Variants in PRRG2 observed in about 807,000 individuals in gnomAD.
PRRG2 encodes the protein proline rich and Gla domain 2.
In PRRG2, 23 loss-of-function variants were observed where a neutral mutation model predicts 27.1. That is an observed-to-expected ratio of 0.85 (90% CI 0.61 to 1.20). The LOEUF is 1.20. PRRG2 is among the 50% of genes most tolerant of loss of function. The probability of loss-of-function intolerance (pLI) is 0.00; values close to 1 mark genes in which losing one functional copy is unlikely to be tolerated. For missense variants in PRRG2, 276 were observed against 254.8 expected (o/e 1.08, Z -0.57); for synonymous variants, 104 against 103.4 (o/e 1.01, Z -0.03).
chr19:49,582,181 C>G (rs531948748), intron 1 of PRRG2, among the ~76,000 whole-genome samples: 3 of 139,088 alleles, frequency 2.2e-5, no homozygotes, highest in African/African-American at 8.3e-5. Context: ...GCAGAGGTCA[C>G]AGTGAGCTGA....
At chr19:49,581,833 C>G (rs778360862) in intron 1 of PRRG2, among the ~76,000 whole-genome samples, 1 of 152,158 alleles carries the variant, frequency 6.6e-6, no homozygotes, top group African/African-American at 2.4e-5. Context: ...TCTTCTCTGG[C>G]GGACACTGCC....
intron 4 of PRRG2, among the ~76,000 whole-genome samples, chr19:49,586,254 A>T (rs1296824076): frequency 1.3e-5 from 2 of 151,228 alleles, no homozygotes; most frequent in East Asian, 3.9e-4. Context: ...GATACTTAAA[A>T]TTTTTTTTGT....
At chr19:49,588,717 G>A in intron 5 of PRRG2, 85 bp downstream of exon 5, 2 of 1,425,080 alleles carry the variant, frequency 1.4e-6, no homozygotes, top group Non-Finnish European at 1.8e-6. Context: ...GCTAAGGATT[G>A]GGGGCAGGCA....
chr19:49,588,732 C>G, intron 5 of PRRG2, 100 bp downstream of exon 5: 1 of 1,362,294 alleles, frequency 7.3e-7, no homozygotes, highest in South Asian at 1.6e-5. Flanking sequence ...CAGGCAGGCA[C>G]TGATGAAAGA....
At position 49,590,051 on chromosome 19, in the gene PRRG2, A is replaced by C. The variant is rs2080705616; in HGVS notation, c.589A>C (p.Ser197Arg). ...VHDAPPPPYT[S>R]LRRPH ...CGACGCACCTCCACCCCCCTACACC[A>C]GGTATGGGGCGTGGCTTCTGCCCGG... Residue 197 changes from serine (S) to arginine (R), a missense_variant and splice_region_variant, in exon 6 of 7, where the codon AGC becomes CGC. By Grantham distance (110) the Ser-to-Arg change is moderately radical. Transcript: ENST00000246794. The C allele has an allele frequency of 6.8e-7, 1 of 1,471,866 alleles. No homozygotes were observed. The highest frequency in any genetic ancestry group is 1.4e-5 in the African/African-American group (1 of 70,334). 91.2% of individuals were successfully genotyped at this position (1,471,866 alleles called of 1,614,324 possible).
chr19:49,590,222 G>T (rs1289978092), intron 6 of PRRG2, 149 bp from the exon 7 acceptor site: 10 of 1,434,698 alleles, frequency 7.0e-6, no homozygotes, highest in Non-Finnish European at 9.7e-6. Flanking sequence ...GCCCAGCGTT[G>T]TATGTGTGGA....
At chr19:49,584,968 G>A (rs2080658191) in intron 4 of PRRG2, among the ~76,000 whole-genome samples, 1 of 152,166 alleles carries the variant, frequency 6.6e-6, no homozygotes, top group Non-Finnish European at 1.5e-5. Flanking sequence ...ACCAAGGGAG[G>A]AAGCCTGCCC....
intron 1 of PRRG2, 63 bp downstream of exon 1, chr19:49,581,544 C>T (rs2122225222): frequency 6.6e-6 from 1 of 152,262 alleles, no homozygotes; most frequent in African/African-American, 2.4e-5. Context: ...GCTCCCCGCC[C>T]CTCCGAGACC....
chr19:49,586,196 C>G (rs940655171), intron 4 of PRRG2, among the ~76,000 whole-genome samples: 1 of 151,936 alleles, frequency 6.6e-6, no homozygotes, highest in African/African-American at 2.4e-5. Context: ...ATCCTCCCAC[C>G]TAAGCCTCCT....
In PRRG2 at chr19:49,589,963, AC is replaced by A; in HGVS notation, c.506del (p.Pro169HisfsTer74). On this transcript the variant is annotated frameshift_variant, in exon 6 of 7. Transcript: ENST00000246794. LOFTEE classifies it high-confidence loss of function. Reference sequence around the variant, plus strand: ...TGGGCCCACCGACGCCCCTGCCTCCACCCCCACCCCCACCCCCAGGCCTCCC... The same window carrying A: ...TGGGCCCACCGACGCCCCTGCCTCCACCCCACCCCCACCCCCAGGCCTCCC... ...PLGPPTPLPP[P>X]PPPPPGLPTY... 6.8e-7 allele frequency: 1 copy of A among 1,474,870 alleles called. No individual in the cohort carries two copies. The highest frequency in any genetic ancestry group is 1.2e-5 in the South Asian group (1 of 82,134). The allele number at this position is 1,474,870 out of a possible 1,614,324, so 91.4% of individuals were successfully genotyped here. A position where few individuals can be genotyped will look rare whatever the true frequency, so the allele number is the denominator to read the frequency against.
At chr19:49,583,398 G>A in intron 2 of PRRG2, 94 bp downstream of exon 2, 1 of 1,525,764 alleles carries the variant, frequency 6.6e-7, no homozygotes, top group Non-Finnish European at 9.0e-7. Context: ...AGGAGTCCAG[G>A]ACCCAGCCCC....
At chr19:49,583,763 A>C (rs1046481531) in intron 3 of PRRG2, 46 bp downstream of exon 3, 1 of 1,612,156 alleles carries the variant, frequency 6.2e-7, no homozygotes, top group Non-Finnish European at 8.5e-7. Flanking sequence ...TCTCTTCTCT[A>C]TACCTGTGGG....
intron 1 of PRRG2, among the ~76,000 whole-genome samples, chr19:49,582,240 A>C (rs1381304413): frequency 1.7e-5 from 1 of 57,344 alleles, no homozygotes; most frequent in Admixed American, 1.6e-4. Context: ...GACTCTGTCT[A>C]AAAAAAAAAA....
rs1179983529 is a variant in PRRG2, at chr19:49,583,897, C to T, written c.262-16C>T. ...TCCTGCTTTTTCCCCTTCTTTTCCA[C>T]TCCTTCCCCCTCAAGGAGCGCTTTT... On this transcript the variant is annotated splice_polypyrimidine_tract_variant and intron_variant, in intron 3 of 6. Coordinates refer to ENST00000246794, the MANE Select transcript of PRRG2 (RefSeq NM_000951.3). 2 of 1,613,710 alleles carry T rather than the reference C, an allele frequency of 1.2e-6. No homozygotes were observed. Among genetic ancestry groups the T allele is most frequent in the Non-Finnish European group, 8.5e-7 (1 of 1,179,624 alleles).
intron 6 of PRRG2, 105 bp from the exon 7 acceptor site, chr19:49,590,266 G>A: frequency 3.2e-6 from 5 of 1,548,828 alleles, no homozygotes; most frequent in Middle Eastern, 1.7e-4. Context: ...TGCCCAGAGG[G>A]TCCTGGATTG....
rs1466859934 is a variant in PRRG2, at chr19:49,583,957, G to A, written c.301+5G>A. 3.1e-6 allele frequency: 5 copies of A among 1,612,784 alleles called. No homozygotes were observed. Among genetic ancestry groups the A allele is most frequent in the Admixed American group, 3.3e-5 (2 of 59,860 alleles). On this transcript the variant is annotated splice_donor_5th_base_variant and intron_variant, in intron 4 of 6. Transcript: ENST00000246794. Reference sequence around the variant, plus strand: ...ACATCTACAATGGCAAAGGAGGTGAGTGAGGGGCTGAAGCCATCTTGTTCT... The same window carrying A: ...ACATCTACAATGGCAAAGGAGGTGAATGAGGGGCTGAAGCCATCTTGTTCT...
At chr19:49,585,677 A>C (rs1302559578) in intron 4 of PRRG2, among the ~76,000 whole-genome samples, 1 of 152,104 alleles carries the variant, frequency 6.6e-6, no homozygotes, top group Non-Finnish European at 1.5e-5. Context: ...GTGTGCCTAT[A>C]ATTCCAGCTA....
chr19:49,586,818 G>A (rs553139135), intron 4 of PRRG2, among the ~76,000 whole-genome samples: 88 of 151,972 alleles, frequency 5.8e-4, no homozygotes, highest in African/African-American at 2.0e-3. Flanking sequence ...GCCACTGCAC[G>A]CCAGCCTGGT....
In PRRG2 at chr19:49,583,593, G is replaced by A. The variant is rs562149905; in HGVS notation, c.137G>A (p.Arg46Gln). 100 of 1,614,180 alleles carry A rather than the reference G, an allele frequency of 6.2e-5. No homozygotes were observed. The highest frequency in any genetic ancestry group is 4.3e-4 in the South Asian group (39 of 91,086). ...EAQSFLSSHT[R>Q]IPRANHWDLE... ...CAGAGCTTCCTGAGTAGCCATACCC[G>A]GATTCCAAGAGCCAACCACTGGGAC... Residue 46 changes from arginine to glutamine, a missense_variant, in exon 3 of 7, where the codon CGG (arginine) becomes CAG (glutamine). Arg to Gln is a conservative substitution (Grantham distance 43, BLOSUM62 1). Transcript: ENST00000246794.
Sources: allele counts gnomAD v4.1 joint callset (sites outside exome capture counted in the v4.1 genomes callset), GRCh38; gene constraint gnomAD v4.1.1; transcripts MANE v1.5; gene names NCBI Gene and HGNC (gene_info 2026-07-23, HGNC 2026-07-21).